The following DGKH variants were observed in gnomAD, a reference collection of about 807,000 sequenced individuals.
DGKH encodes DAG kinase eta.
DGKH carries 90 observed loss-of-function variants against 159.3 expected under a neutral mutation model. The ratio of observed to expected loss-of-function variants is 0.57; its 90% CI spans 0.48 to 0.67. The LOEUF (loss-of-function observed/expected upper bound fraction) is 0.67. Among genes scored for constraint, DGKH ranks in the 30% least tolerant of loss-of-function variants. DGKH has a pLI of 0.00. For synonymous variants in DGKH, 536 were observed against 553.8 expected, an observed-to-expected ratio of 0.97 and a Z score of 0.45; for missense variants, 1,181 against 1,506.1, an observed-to-expected ratio of 0.78 and a Z score of 3.57.
At chr13:42,127,309 G>C (rs892167186) in intron 1 of DGKH, among the ~76,000 whole-genome samples, 154 bp from the exon 2 acceptor site, 1 of 152,214 alleles carries the variant, frequency 6.6e-6, no homozygotes, top group African/African-American at 2.4e-5. Flanking sequence ...TTGCACATAT[G>C]CAAAGCTGTG....
rs575872230 is a variant in DGKH at position 42,129,739 on chromosome 13, G to C, written c.384+107G>C. The C allele has an allele frequency of 1.2e-5, 12 of 977,842 alleles. No individual in the cohort carries two copies. The Admixed American group carries it at 2.0e-4, about 17-fold the overall frequency. The allele number at this position is 977,842 out of a possible 1,614,324, so 60.6% of individuals were successfully genotyped here. A position where few individuals can be genotyped will look rare whatever the true frequency, so the allele number is the denominator to read the frequency against. The stretch of plus-strand genomic sequence containing the variant: ...TACAAACTGTTGCTAACTTATGCAT[G>C]TTGGAGTTCCTACCAACACAATCAG... On this transcript the variant is annotated intron_variant, in intron 3 of 29. Coordinates refer to ENST00000337343, the MANE Select transcript of DGKH (RefSeq NM_178009.5).
At chr13:42,040,906 C>A (rs4468502) in intron 1 of DGKH, among the ~76,000 whole-genome samples, 26,860 of 148,942 alleles carry the variant, frequency 0.18, 2,625 homozygotes, top group East Asian at 0.32. Context: ...ACGTGCGCCC[C>A]GCGCCCGGCG....
downstream of DGKH, among the ~76,000 whole-genome samples, chr13:42,245,915 C>T (rs188925067): frequency 2.8e-4 from 42 of 152,266 alleles, no homozygotes; most frequent in Admixed American, 1.2e-3. Context: ...GAAGGGCTAG[C>T]TGAATCATCA....
chr13:42,048,957 C>G lies in DGKH; in HGVS notation c.184C>G (p.Arg62Gly), dbSNP rs1477487146. ...IRKVSTSGQI[R>G]TKTSIKEGQL... ...CAAAGTGTCTACCTCGGGGCAGATC[C>G]GGACCAAGGTAGGGCGGAGGAGGCG... Residue 62 changes from arginine to glycine, a missense_variant, in exon 1 of 30, where the codon CGG becomes GGG. By Grantham distance (125) the Arg-to-Gly change is moderately radical (BLOSUM62 -2). This residue lies in a region of DGKH where 136 missense variants were observed against 132.2 expected (regional missense o/e 1.03). Coordinates refer to ENST00000337343, the MANE Select transcript of DGKH (RefSeq NM_178009.5). This position sits in a 1 kb window ranked among gnomAD's most constrained non-coding sequence, Gnocchi z 6.7. 2 of 1,300,946 alleles carry G rather than the reference C, an allele frequency of 1.5e-6. No homozygotes were observed. Among genetic ancestry groups the G allele is most frequent in the Non-Finnish European group, 9.8e-7 (1 of 1,017,114 alleles). The allele number at this position is 1,300,946 out of a possible 1,614,324, so 80.6% of individuals were successfully genotyped here. A position where few individuals can be genotyped will look rare whatever the true frequency, so the allele number is the denominator to read the frequency against.
At chr13:42,156,671 T>C (rs1414159707) in intron 5 of DGKH, among the ~76,000 whole-genome samples, 2 of 152,216 alleles carry the variant, frequency 1.3e-5, no homozygotes, top group African/African-American at 4.8e-5. Flanking sequence ...TATATGATAA[T>C]AATAATACCA....
chr13:42,205,667 C>T (rs1415589139), intron 20 of DGKH, among the ~76,000 whole-genome samples: 1 of 152,096 alleles, frequency 6.6e-6, no homozygotes, highest in African/African-American at 2.4e-5. Flanking sequence ...TGGTTAGGAT[C>T]AACTTTCTCT....
At chr13:42,218,290 T>G (rs1957859898) in intron 26 of DGKH, among the ~76,000 whole-genome samples, 1 of 152,170 alleles carries the variant, frequency 6.6e-6, no homozygotes, top group Non-Finnish European at 1.5e-5. Context: ...AAATTCTCCT[T>G]AAAATATCCA....
At chr13:42,078,807 A>G (rs1425694072) in intron 1 of DGKH, among the ~76,000 whole-genome samples, 1 of 152,148 alleles carries the variant, frequency 6.6e-6, no homozygotes, top group Non-Finnish European at 1.5e-5. Context: ...AATTAGGTTC[A>G]TACAATAGAT....
chr13:42,043,524 A>G (rs1004582392), intron 1 of DGKH, among the ~76,000 whole-genome samples: 1 of 151,718 alleles, frequency 6.6e-6, no homozygotes, highest in African/African-American at 2.4e-5. Context: ...TTTTTTTTGT[A>G]GAGGTGGGAT....
intron 1 of DGKH, among the ~76,000 whole-genome samples, chr13:42,064,690 C>T (rs1882434305): frequency 6.6e-6 from 1 of 152,038 alleles, no homozygotes; most frequent in South Asian, 2.1e-4. Context: ...AGAAAGAGTA[C>T]TAAAAGAAAC....
At chr13:42,162,066 T>G (rs1272304384) in intron 7 of DGKH, among the ~76,000 whole-genome samples, 1 of 152,174 alleles carries the variant, frequency 6.6e-6, no homozygotes, top group African/African-American at 2.4e-5. Context: ...CGTGGCAAAC[T>G]CAAATTTCAC....
At chr13:42,113,664 C>T (rs1188113855) in intron 1 of DGKH, among the ~76,000 whole-genome samples, 6 of 151,968 alleles carry the variant, frequency 3.9e-5, no homozygotes, top group Admixed American at 1.3e-4. Flanking sequence ...CACAGGTGGC[C>T]GATGAAGGAG....
In DGKH at chr13:42,239,928, A is replaced by C. The variant is rs1370043937; in HGVS notation, c.*10740A>C. 2.6e-5 allele frequency: 4 copies of C among 152,226 alleles called. No individual in the cohort carries two copies. Among genetic ancestry groups the C allele is most frequent in the Non-Finnish European group, 5.9e-5 (4 of 68,034 alleles). The allele number at this position is 152,226 out of a possible 1,614,324, so 9.4% of individuals were successfully genotyped here. ...GTGCCTTGGCATAATCACATGCCAT[A>C]GATGAACATGTTCAAGACTCAGTTC... On this transcript the variant is annotated 3_prime_UTR_variant, in exon 30 of 30. Transcript: ENST00000337343.
chr13:42,092,458 C>CTGGA (rs1353565188), intron 1 of DGKH, among the ~76,000 whole-genome samples: 5 of 152,084 alleles, frequency 3.3e-5, no homozygotes, highest in Non-Finnish European at 7.4e-5. Context: ...ATGGATGGAA[C>CTGGA]TGGAGGTCAT....
chr13:42,200,784 C>T (rs545664076), intron 20 of DGKH, among the ~76,000 whole-genome samples: 4 of 152,122 alleles, frequency 2.6e-5, no homozygotes, highest in African/African-American at 9.7e-5. Flanking sequence ...TCTAAACATA[C>T]AACTGTATGA....
chr13:42,044,479 C>T (rs1299146886), upstream of DGKH, among the ~76,000 whole-genome samples: 3 of 152,030 alleles, frequency 2.0e-5, no homozygotes, highest in African/African-American at 4.8e-5. Context: ...TTAGTAGACA[C>T]GGGGTTTCAC....
Position 42,217,300 on chromosome 13 carries a change from C to T in DGKH, c.3213+1633C>T, listed in dbSNP as rs148333618. Among the ~76,000 whole-genome samples, 108 of 152,264 alleles carry T rather than the reference C, an allele frequency of 7.1e-4. 1 individual carries two copies. The East Asian group carries it at 0.018, about 26-fold the overall frequency. ...ACAGGGACGCACTCTGTCGCAGTAG[C>T]GTGATCTCTGCTCACTGCAACCTCA... On this transcript the variant is annotated intron_variant, in intron 26 of 29. Coordinates refer to ENST00000337343, the MANE Select transcript of DGKH (RefSeq NM_178009.5).
chr13:42,163,880 G>T (rs1956252318), intron 7 of DGKH, among the ~76,000 whole-genome samples: 1 of 152,094 alleles, frequency 6.6e-6, no homozygotes, highest in African/African-American at 2.4e-5. Flanking sequence ...GATCCCATTT[G>T]TCAATTTTGG....
chr13:42,065,419 A>G (rs1040982063), intron 1 of DGKH, among the ~76,000 whole-genome samples: 1 of 152,206 alleles, frequency 6.6e-6, no homozygotes, highest in South Asian at 2.1e-4. Flanking sequence ...ATTTTAAATT[A>G]TTACCGTTTG....
Sources: allele counts gnomAD v4.1 joint callset (sites outside exome capture counted in the v4.1 genomes callset), GRCh38; gene constraint gnomAD v4.1.1; regional missense constraint gnomAD v4.1.1; non-coding constraint Gnocchi (gnomAD v3.1); transcripts MANE v1.5; gene names NCBI Gene and HGNC (gene_info 2026-07-23, HGNC 2026-07-21).